Variants in MECOM observed in about 807,000 individuals in gnomAD.
The protein encoded by MECOM is histone-lysine N-methyltransferase MECOM.
Under a neutral mutation model 116.3 loss-of-function variants are expected in MECOM, and 13 were observed. The observed-to-expected ratio is 0.11, with a 90% CI of 0.07 to 0.18. The LOEUF is 0.18. MECOM is among the 10% of genes least tolerant of loss of function. MECOM has a pLI of 1.00. For synonymous variants in MECOM, 528 were observed against 535.2 expected (o/e 0.99, Z 0.19); for missense variants, 1,299 against 1,509.0 (o/e 0.86, Z 2.31).
intron 1 of MECOM, among the ~76,000 whole-genome samples, chr3:169,632,916 T>C (rs534898446): frequency 1.8e-4 from 28 of 152,332 alleles, no homozygotes; most frequent in African/African-American, 6.5e-4. Context: ...TTCTTGGCCT[T>C]AGCATCTCCA....
intron 12 of MECOM, among the ~76,000 whole-genome samples, chr3:169,096,562 G>A (rs555436714): frequency 1.3e-5 from 2 of 152,172 alleles, no homozygotes; most frequent in African/African-American, 4.8e-5. Flanking sequence ...GAGCCACCGC[G>A]TCCAGCCTCC....
In MECOM at chr3:169,611,634, G is replaced by A. The variant is rs546188387; in HGVS notation, c.37+51702C>T. ...TGACTTAAAGAGCGTTCCTATAACA[G>A]CTAATAATCTCTGGACCTCAAAATC... On this transcript the variant is annotated intron_variant, in intron 1 of 16. Transcript: ENST00000651503. The surrounding 1 kb of genome is among the most constrained non-coding windows in gnomAD (Gnocchi z 4.1). Among the ~76,000 whole-genome samples the A allele has an allele frequency of 6.6e-6, 1 of 152,228 alleles. No individual in the cohort carries two copies. The highest frequency in any genetic ancestry group is 6.5e-5 in the Admixed American group (1 of 15,280).
At chr3:169,547,927 T>G (rs147842573) in intron 1 of MECOM, among the ~76,000 whole-genome samples, 2 of 152,244 alleles carry the variant, frequency 1.3e-5, no homozygotes, top group East Asian at 3.9e-4. Flanking sequence ...TAGACTCGCC[T>G]CAGAGCCTCC....
chr3:169,123,261 AGATG>A (rs558642189), intron 5 of MECOM, among the ~76,000 whole-genome samples: 186 of 151,286 alleles, frequency 1.2e-3, no homozygotes, highest in Non-Finnish European at 1.8e-3. Context: ...TAGGATGGAC[AGATG>A]GATGGATGGA....
chr3:169,594,134 C>T (rs1220304924), intron 1 of MECOM, among the ~76,000 whole-genome samples: 7 of 119,780 alleles, frequency 5.8e-5, no homozygotes, highest in South Asian at 2.7e-4. Flanking sequence ...TCCATCTCAA[C>T]GACAACACCA....
chr3:169,208,295 A>G (rs1019433308), intron 2 of MECOM, among the ~76,000 whole-genome samples: 4 of 148,318 alleles, frequency 2.7e-5, no homozygotes, highest in African/African-American at 7.4e-5. Context: ...ATTACATTAT[A>G]TATACATTAT....
chr3:169,451,762 G>T (rs748236535), intron 1 of MECOM, among the ~76,000 whole-genome samples: 8 of 151,956 alleles, frequency 5.3e-5, no homozygotes, highest in Admixed American at 3.3e-4. Flanking sequence ...AATTTCTATC[G>T]CTTAGTGAGA....
intron 1 of MECOM, among the ~76,000 whole-genome samples, chr3:169,504,673 T>TTC (rs930192722): frequency 2.6e-5 from 4 of 152,078 alleles, no homozygotes; most frequent in African/African-American, 9.7e-5. Flanking sequence ...ATGAGACTTG[T>TTC]GGGATGCTAT....
At chr3:169,624,624 T>A (rs1349439933) in intron 1 of MECOM, among the ~76,000 whole-genome samples, 1 of 152,216 alleles carries the variant, frequency 6.6e-6, no homozygotes, top group Non-Finnish European at 1.5e-5. Context: ...CAAAGCTGCA[T>A]GCTGAAAAAC....
intron 2 of MECOM, among the ~76,000 whole-genome samples, chr3:169,302,488 G>T (rs755832767): frequency 1.3e-5 from 2 of 152,162 alleles, no homozygotes; most frequent in African/African-American, 2.4e-5. Context: ...TATAATTATC[G>T]CCTGGTTAAT....
chr3:169,146,973 A>G, intron 2 of MECOM: 1 of 996,636 alleles, frequency 1.0e-6, no homozygotes, highest in South Asian at 4.4e-5. Flanking sequence ...CGCGTTTCGG[A>G]TTTATTGTCC....
chr3:169,169,836 C>CT (rs77967621), intron 2 of MECOM, among the ~76,000 whole-genome samples: 43,114 of 144,680 alleles, frequency 0.3, 6,880 homozygotes, highest in African/African-American at 0.44. Context: ...TACAGTTCTA[C>CT]TTTTTTTTTT....
At chr3:169,385,606 G>A (rs1347372927) in intron 1 of MECOM, among the ~76,000 whole-genome samples, 2 of 152,126 alleles carry the variant, frequency 1.3e-5, no homozygotes, top group Non-Finnish European at 1.5e-5. Flanking sequence ...AGCAAATGCA[G>A]TTTATCACAC....
At chr3:169,340,246 T>C (rs993861047) in intron 2 of MECOM, among the ~76,000 whole-genome samples, 3 of 152,184 alleles carry the variant, frequency 2.0e-5, no homozygotes, top group Non-Finnish European at 2.9e-5. Flanking sequence ...TCAATGCCCA[T>C]CATAAATAAC....
intron 2 of MECOM, among the ~76,000 whole-genome samples, chr3:169,355,143 T>G (rs1727040757): frequency 6.6e-6 from 1 of 152,000 alleles, no homozygotes; most frequent in Non-Finnish European, 1.5e-5. Flanking sequence ...AGATGAAATT[T>G]AAAACTTCAG....
chr3:169,487,801 G>T (rs866399181), intron 1 of MECOM, among the ~76,000 whole-genome samples: 1 of 149,860 alleles, frequency 6.7e-6, no homozygotes, highest in Non-Finnish European at 1.5e-5. Flanking sequence ...CGGGAGGGTC[G>T]GGGTGGGGGG....
At chr3:169,584,972 C>T (rs377655337) in intron 1 of MECOM, among the ~76,000 whole-genome samples, 3 of 152,142 alleles carry the variant, frequency 2.0e-5, no homozygotes, top group South Asian at 2.1e-4. Flanking sequence ...AAGGATCTTA[C>T]GAGAATGATG....
intron 2 of MECOM, among the ~76,000 whole-genome samples, chr3:169,248,794 T>G (rs1266431811): frequency 6.6e-6 from 1 of 152,130 alleles, no homozygotes. Context: ...ATCATGTAAG[T>G]AGGGCATAGT....
chr3:169,149,977 GTC>G (rs554447213), intron 2 of MECOM, among the ~76,000 whole-genome samples: 4,073 of 134,082 alleles, frequency 0.03, 64 homozygotes, highest in South Asian at 0.066. Flanking sequence ...GTGTGTGTGT[GTC>G]TGTCTGTCTG....
Sources: gnomAD v4.1 joint callset for allele counts (sites outside exome capture counted in the v4.1 genomes callset) on GRCh38, gnomAD v4.1.1 for gene constraint, Gnocchi (gnomAD v3.1) non-coding constraint, MANE v1.5 for transcripts, NCBI Gene and HGNC (gene_info 2026-07-23, HGNC 2026-07-21) for gene names.